Variants in MTA1 observed in about 807,000 individuals in gnomAD.
The protein encoded by MTA1 is metastasis associated 1.
MTA1 carries 15 observed loss-of-function variants against 97.0 expected under a neutral mutation model. That is an observed-to-expected ratio of 0.15 (90% CI 0.10 to 0.24). The LOEUF is 0.24. MTA1 is among the 10% of genes least tolerant of loss of function. The probability of loss-of-function intolerance (pLI) is 1.00; values close to 1 mark genes in which losing one functional copy is unlikely to be tolerated. For synonymous variants in MTA1, 435 were observed against 417.5 expected (o/e 1.04, Z -0.51); for missense variants, 709 against 1,015.1 (o/e 0.70, Z 4.10).
chr14:105,462,524 C>T lies in MTA1; in HGVS notation c.943-660C>T, dbSNP rs1029854398. On this transcript the variant is annotated intron_variant, in intron 10 of 20. Coordinates refer to ENST00000331320, the MANE Select transcript of MTA1 (RefSeq NM_004689.4). ...GGTGGAAGTTGCTGTGAGCCGAGAT[C>T]GCACCACTGCACTCCAGCCTGGGCG... is the stretch of plus-strand genomic sequence containing the variant. 1.1e-4 allele frequency among the ~76,000 whole-genome samples: 16 copies of T among 150,702 alleles called. 1 individual carries two copies. Among genetic ancestry groups the T allele is most frequent in the Admixed American group, 2.6e-4 (4 of 15,158 alleles).
chr14:105,440,111 C>G (rs1334146414), intron 2 of MTA1, among the ~76,000 whole-genome samples: 1 of 152,206 alleles, frequency 6.6e-6, no homozygotes, highest in Non-Finnish European at 1.5e-5. Context: ...GTTGGAGGCA[C>G]AGGCAATGAC....
rs1416231161 is a variant in MTA1 at position 105,437,251 on chromosome 14, GTGTCCT to G, written c.29-1420_29-1415del. On this transcript the variant is annotated intron_variant, in intron 1 of 20. Coordinates refer to ENST00000331320, the MANE Select transcript of MTA1 (RefSeq NM_004689.4). ...TCCTCACGGGCGTGTGCCTGCAGGTGTGTCCTCACGGGTGTGTCCTCATGGGCATGT... is the reference window on the plus strand; with the variant it reads ...TCCTCACGGGCGTGTGCCTGCAGGTGCACGGGTGTGTCCTCATGGGCATGT... Among the ~76,000 whole-genome samples the G allele has an allele frequency of 9.0e-4, 13 of 14,520 alleles. No individual in the cohort carries two copies. In the Admixed American group the frequency reaches 0.017, roughly 19 times the overall value. The allele number at this position is 14,520 out of a possible 152,430, so 9.5% of individuals were successfully genotyped here.
In MTA1 at chr14:105,465,201, C is replaced by T. The variant is rs2083519058; in HGVS notation, c.1624+18C>T. The stretch of plus-strand genomic sequence containing the variant: ...GTATCTTGGTGAGCAGCCAGGCGTG[C>T]TGGGGGGCTCCCAATGCTGCCTGCA... On this transcript the variant is annotated intron_variant, in intron 16 of 20. Coordinates refer to ENST00000331320, the MANE Select transcript of MTA1 (RefSeq NM_004689.4). 2 of 1,499,788 alleles carry T rather than the reference C, an allele frequency of 1.3e-6. No individual in the cohort carries two copies. Among genetic ancestry groups the T allele is most frequent in the Non-Finnish European group, 1.8e-6 (2 of 1,116,848 alleles). The allele number at this position is 1,499,788 out of a possible 1,614,324, so 92.9% of individuals were successfully genotyped here. A position where few individuals can be genotyped will look rare whatever the true frequency, so the allele number is the denominator to read the frequency against.
Position 105,469,517 on chromosome 14 carries a change from G to A in MTA1, c.1845+19G>A. On this transcript the variant is annotated intron_variant, in intron 19 of 20. Transcript: ENST00000331320. ...GCACATGGTAAGAGGAACAACCCAT[G>A]ATGGGGTACGGTGCGCTCACCCATG... The A allele has an allele frequency of 6.2e-7, 1 of 1,612,166 alleles. No homozygotes were observed. Among genetic ancestry groups the A allele is most frequent in the South Asian group, 1.1e-5 (1 of 91,070 alleles).
chr14:105,420,958 C>T lies in MTA1; in HGVS notation c.28+895C>T, dbSNP rs2081813546. Among the ~76,000 whole-genome samples, 1 of 152,210 alleles carries T rather than the reference C, an allele frequency of 6.6e-6. No individual in the cohort carries two copies. Among genetic ancestry groups the T allele is most frequent in the African/African-American group, 2.4e-5 (1 of 41,462 alleles). On this transcript the variant is annotated intron_variant, in intron 1 of 20. Transcript: ENST00000331320. This position sits in a 1 kb window ranked among gnomAD's most constrained non-coding sequence, Gnocchi z 5.3. The stretch of plus-strand genomic sequence containing the variant: ...GCTCATTACCTTTCCCACCTGCAGC[C>T]TGCGCTGCTGGAGGGAGCTGGGGTC...
chr14:105,449,245 C>T, intron 3 of MTA1, 114 bp from the exon 4 acceptor site: 1 of 1,071,954 alleles, frequency 9.3e-7, no homozygotes. Flanking sequence ...AGGCCTGCGG[C>T]CCCCGTTCTG....
intron 1 of MTA1, among the ~76,000 whole-genome samples, chr14:105,435,460 A>G (rs1473559822): frequency 6.6e-6 from 1 of 152,082 alleles, no homozygotes; most frequent in Non-Finnish European, 1.5e-5. Flanking sequence ...AATTAAAAAT[A>G]ATTTTTTTTT....
rs371437166 is a variant in MTA1 at position 105,464,859 on chromosome 14, C to T, written c.1530C>T (p.Ala510=). Residue 510 remains alanine (A), a synonymous_variant, in exon 15 of 21, where the codon GCC becomes GCT. Transcript: ENST00000331320. ...YLPINSAAIK[A]ECTARLPEAS... ...CCATCAACAGCGCGGCCATCAAGGCCGAGTGTGAGTCACCCCAACGCCCCG... is the reference window on the plus strand; with the variant it reads ...CCATCAACAGCGCGGCCATCAAGGCTGAGTGTGAGTCACCCCAACGCCCCG... 6.6e-5 allele frequency: 103 copies of T among 1,570,010 alleles called. No individual in the cohort carries two copies. The highest frequency in any genetic ancestry group is 7.8e-5 in the Non-Finnish European group (90 of 1,154,010).
chr14:105,420,090 G>A lies in MTA1; in HGVS notation c.28+27G>A. On this transcript the variant is annotated intron_variant, in intron 1 of 20. Transcript: ENST00000331320. This position sits in a 1 kb window ranked among gnomAD's most constrained non-coding sequence, Gnocchi z 5.3. ...TAAGGCCGCACCGCCTTTATGCCCG[G>A]CCCCGACCCGCCCGCAGCCCCCACC... 2 of 1,031,612 alleles carry A rather than the reference G, an allele frequency of 1.9e-6. No individual in the cohort carries two copies. The highest frequency in any genetic ancestry group is 2.3e-6 in the Non-Finnish European group (2 of 856,594). The allele number at this position is 1,031,612 out of a possible 1,614,324, so 63.9% of individuals were successfully genotyped here. A position where few individuals can be genotyped will look rare whatever the true frequency, so the allele number is the denominator to read the frequency against.
Position 105,470,139 on chromosome 14 carries a change from G to T in MTA1, c.2072G>T (p.Arg691Leu), listed in dbSNP as rs781956216. 2 of 1,611,970 alleles carry T rather than the reference G, an allele frequency of 1.2e-6. No homozygotes were observed. Among genetic ancestry groups the T allele is most frequent in the Non-Finnish European group, 1.7e-6 (2 of 1,179,650 alleles). Residue 691 changes from arginine (R) to leucine (L), a missense_variant, in exon 21 of 21, where the codon CGC becomes CTC. Physicochemically the swap from Arg to Leu is moderately radical, Grantham distance 102. This residue lies in a region of MTA1 where 388 missense variants were observed against 421.6 expected (regional missense o/e 0.92). Coordinates refer to ENST00000331320, the MANE Select transcript of MTA1 (RefSeq NM_004689.4). ...CGGCCCTACAAGCCCATCGCCCTGC[G>T]CCAGAGCCAGGCCCTGCCGCCGCGG... Reference protein sequence around the residue: ...ARRPYKPIALRQSQALPPRPP... With the variant: ...ARRPYKPIALLQSQALPPRPP...
At chr14:105,443,136 G>A (rs920725055) in intron 2 of MTA1, among the ~76,000 whole-genome samples, 2 of 152,180 alleles carry the variant, frequency 1.3e-5, no homozygotes, top group African/African-American at 4.8e-5. Context: ...CCAACAAAGC[G>A]AGAACCCGGC....
intron 1 of MTA1, among the ~76,000 whole-genome samples, chr14:105,429,752 C>CTTCTTTT (rs2082123835): frequency 4.0e-5 from 2 of 50,570 alleles, no homozygotes; most frequent in Non-Finnish European, 6.4e-5. Context: ...TGCGCCCGGC[C>CTTCTTTT]TTTTTTTTTT....
chr14:105,468,107 C>T (rs1370219205), intron 18 of MTA1: 26 of 362,690 alleles, frequency 7.2e-5, no homozygotes, highest in South Asian at 3.9e-4. Flanking sequence ...AGACGGCTCC[C>T]GGGGGCACTG....
chr14:105,456,110 C>T (rs1567033128), intron 7 of MTA1, among the ~76,000 whole-genome samples: 2 of 152,254 alleles, frequency 1.3e-5, no homozygotes, highest in Non-Finnish European at 2.9e-5. Flanking sequence ...CCAGGGTGCC[C>T]TGCTATCATG....
intron 1 of MTA1, among the ~76,000 whole-genome samples, chr14:105,423,106 A>G (rs781925768): frequency 3.3e-5 from 5 of 151,576 alleles, no homozygotes; most frequent in Non-Finnish European, 5.9e-5. Flanking sequence ...CAGCTTGCTC[A>G]TGTGGGGCTT....
At chr14:105,432,364 C>G (rs2082201346) in intron 1 of MTA1, among the ~76,000 whole-genome samples, 1 of 152,176 alleles carries the variant, frequency 6.6e-6, no homozygotes, top group Non-Finnish European at 1.5e-5. Context: ...CCTCAGCCTC[C>G]CAAGTAGCTG....
In MTA1 at chr14:105,432,905, G is replaced by A. The variant is rs1555423665; in HGVS notation, c.29-5767G>A. Among the ~76,000 whole-genome samples the A allele has an allele frequency of 1.3e-5, 2 of 152,158 alleles. 1 individual carries two copies. The highest frequency in any genetic ancestry group is 4.8e-5 in the African/African-American group (2 of 41,436). ...GTCTGCGACTTCCATGCGAGTGCAA[G>A]GGAAACGTCGACATTTCAAAATCCA... On this transcript the variant is annotated intron_variant, in intron 1 of 20. Transcript: ENST00000331320.
chr14:105,469,487 G>A lies in MTA1; in HGVS notation c.1834G>A (p.Ala612Thr), dbSNP rs13707. The change falls in exon 19 of 21, where the codon GCC becomes ACC. Residue 612 changes from alanine to threonine, a missense_variant. Physicochemically the swap from Ala to Thr is moderately conservative, Grantham distance 58. Coordinates refer to ENST00000331320, the MANE Select transcript of MTA1 (RefSeq NM_004689.4). ...ATCAGGTCTGGCAAACCACGGACAG[G>A]CCAGGCACATGGTAAGAGGAACAAC... ...PSRGLANHGQ[A>T]RHMGPSRNLL... 1,574,279 of 1,612,742 alleles carry A rather than the reference G, an allele frequency of 0.98. 775,631 individuals carry two copies. The highest frequency in any genetic ancestry group is 1 in the East Asian group (44,856 of 44,856).
chr14:105,467,187 G>T, intron 18 of MTA1: 1 of 358,878 alleles, frequency 2.8e-6, no homozygotes. Flanking sequence ...GGTGCCTTCT[G>T]TCGGAGGACT....
Sources: gnomAD v4.1 joint callset for allele counts (sites outside exome capture counted in the v4.1 genomes callset) on GRCh38, gnomAD v4.1.1 for gene constraint, gnomAD v4.1.1 regional missense constraint, Gnocchi (gnomAD v3.1) non-coding constraint, MANE v1.5 for transcripts, NCBI Gene and HGNC (gene_info 2026-07-23, HGNC 2026-07-21) for gene names.